The following RBFOX1 variants were observed in gnomAD, a reference collection of about 807,000 sequenced individuals.
RBFOX1 encodes the protein RNA binding protein fox-1 homolog 1.
RBFOX1 carries 8 observed loss-of-function variants against 57.7 expected under a neutral mutation model. The ratio of observed to expected loss-of-function variants is 0.14; its 90% CI spans 0.08 to 0.25. RBFOX1 has a LOEUF of 0.25. RBFOX1 is among the 10% of genes least tolerant of loss of function. The pLI, the probability that RBFOX1 is intolerant of heterozygous loss-of-function variation, is 1.00. For missense variants in RBFOX1, 611 were observed against 548.5 expected (o/e 1.11, Z -1.14); for synonymous variants, 326 against 222.4 (o/e 1.47, Z -4.15).
chr16:6,563,904 A>ATG (rs984715579), intron 2 of RBFOX1, among the ~76,000 whole-genome samples: 43 of 151,208 alleles, frequency 2.8e-4, no homozygotes, highest in African/African-American at 5.6e-4. Context: ...ATGTGCGTAT[A>ATG]TGTGTGTGTG....
chr16:6,475,016 C>T (rs1253031655), intron 2 of RBFOX1, among the ~76,000 whole-genome samples: 1 of 152,144 alleles, frequency 6.6e-6, no homozygotes, highest in Non-Finnish European at 1.5e-5. Flanking sequence ...TTGCAAAGTG[C>T]AAAAGATGAA....
intron 3 of RBFOX1, among the ~76,000 whole-genome samples, chr16:5,707,180 C>A (rs1304819652): frequency 6.6e-6 from 1 of 152,164 alleles, no homozygotes; most frequent in African/African-American, 2.4e-5. Context: ...TTTGTGAGCC[C>A]ATGAGTAGGA....
chr16:6,977,645 C>G (rs1216419719), intron 3 of RBFOX1, among the ~76,000 whole-genome samples: 6 of 152,142 alleles, frequency 3.9e-5, no homozygotes, highest in Non-Finnish European at 8.8e-5. Flanking sequence ...GGCTGGTCAT[C>G]TCTTTAGCTC....
At chr16:5,310,066 G>A (rs1350344284) in intron 1 of RBFOX1, among the ~76,000 whole-genome samples, 1 of 152,180 alleles carries the variant, frequency 6.6e-6, no homozygotes, top group Non-Finnish European at 1.5e-5. Context: ...CAGCTCTAAT[G>A]TTACCTCCTT....
intron 2 of RBFOX1, among the ~76,000 whole-genome samples, chr16:6,642,379 A>G (rs967715922): frequency 6.6e-6 from 1 of 152,152 alleles, no homozygotes; most frequent in Admixed American, 6.5e-5. Context: ...TGTGATGCCA[A>G]TGCATAGCTC....
At chr16:6,791,559 A>G (rs1042895853) in intron 3 of RBFOX1, among the ~76,000 whole-genome samples, 37 of 152,088 alleles carry the variant, frequency 2.4e-4, no homozygotes, top group African/African-American at 8.9e-4. Context: ...AGGAGTTCGA[A>G]ACCAACCTGG....
At chr16:5,724,524 C>G (rs1219912398) in intron 3 of RBFOX1, among the ~76,000 whole-genome samples, 1 of 152,186 alleles carries the variant, frequency 6.6e-6, no homozygotes, top group East Asian at 1.9e-4. Context: ...TACCTACCCA[C>G]TGTGAGAGCT....
At position 6,971,502 on chromosome 16, in the gene RBFOX1, G is replaced by T. The variant is rs142201260; in HGVS notation, c.-15-80555G>T. Among the ~76,000 whole-genome samples, 910 of 124,128 alleles carry T rather than the reference G, an allele frequency of 7.3e-3. 13 individuals are homozygous for T. The highest frequency in any genetic ancestry group is 0.021 in the African/African-American group (862 of 40,636). 81.4% of individuals were successfully genotyped at this position (124,128 alleles called of 152,430 possible). Reference sequence around the variant, plus strand: ...TGCAATATGAAGAGAGAGAGAGAGAGAGAGTTGGTGTGTGTGTGTGTGTGT... The same window carrying T: ...TGCAATATGAAGAGAGAGAGAGAGATAGAGTTGGTGTGTGTGTGTGTGTGT... On this transcript the variant is annotated intron_variant, in intron 3 of 15. Transcript: ENST00000550418.
At chr16:5,467,571 T>A (rs2068993084) in intron 2 of RBFOX1, among the ~76,000 whole-genome samples, 1 of 152,224 alleles carries the variant, frequency 6.6e-6, no homozygotes, top group Non-Finnish European at 1.5e-5. Flanking sequence ...ATTTCATCAT[T>A]GAACTTTGAA....
chr16:6,260,066 A>C (rs748215654), intron 1 of RBFOX1, among the ~76,000 whole-genome samples: 7 of 151,870 alleles, frequency 4.6e-5, no homozygotes, highest in Admixed American at 1.3e-4. Context: ...ATGGCATTTG[A>C]GTTTTCGAAT....
chr16:5,720,740 A>C (rs2151532960), intron 3 of RBFOX1, among the ~76,000 whole-genome samples: 1 of 152,300 alleles, frequency 6.6e-6, no homozygotes, highest in Non-Finnish European at 1.5e-5. Flanking sequence ...CTTATTCGTA[A>C]ATAAAAGGAT....
intron 2 of RBFOX1, among the ~76,000 whole-genome samples, chr16:6,594,572 G>C (rs529608472): frequency 6.6e-6 from 1 of 152,186 alleles, no homozygotes; most frequent in South Asian, 2.1e-4. Context: ...TAATGTAAAA[G>C]CTCCTGTTTT....
chr16:6,598,006 C>T lies in RBFOX1; in HGVS notation c.-63-56597C>T, dbSNP rs77806750. ...AGAAAGTCCAGGGCTGCCTTTTATT[C>T]TGGAATTCTTATTTAAGACAAAATG... On this transcript the variant is annotated intron_variant, in intron 2 of 15. Coordinates refer to ENST00000550418, the MANE Select transcript of RBFOX1 (RefSeq NM_018723.4). Among the ~76,000 whole-genome samples the T allele has an allele frequency of 3.8e-3, 576 of 152,302 alleles. 10 individuals carry two copies. The East Asian group carries it at 0.061, about 16-fold the overall frequency.
chr16:7,673,806 T>C (rs2072386026), intron 13 of RBFOX1, among the ~76,000 whole-genome samples: 1 of 152,244 alleles, frequency 6.6e-6, no homozygotes, highest in Admixed American at 6.5e-5. Flanking sequence ...AGCGTAGAAC[T>C]ATTTTGTGTT....
intron 4 of RBFOX1, among the ~76,000 whole-genome samples, chr16:7,217,121 C>G (rs1361992994): frequency 2.1e-5 from 3 of 145,978 alleles, no homozygotes; most frequent in Non-Finnish European, 3.0e-5. Context: ...CCTTTCCTTT[C>G]TTTTTGACAG....
At chr16:5,701,497 C>G (rs1364121409) in intron 3 of RBFOX1, among the ~76,000 whole-genome samples, 1 of 151,624 alleles carries the variant, frequency 6.6e-6, no homozygotes, top group African/African-American at 2.4e-5. Flanking sequence ...TTCTGGAATG[C>G]AGTAGCACCA....
At chr16:5,913,042 G>T (rs937501490) in intron 4 of RBFOX1, among the ~76,000 whole-genome samples, 1 of 152,180 alleles carries the variant, frequency 6.6e-6, no homozygotes, top group Non-Finnish European at 1.5e-5. Context: ...CTCTAGCATT[G>T]CCAAGCGTGT....
chr16:6,166,154 G>A (rs944287621), intron 1 of RBFOX1, among the ~76,000 whole-genome samples: 2 of 152,152 alleles, frequency 1.3e-5, no homozygotes, highest in African/African-American at 4.8e-5. Flanking sequence ...CAAGTAGAAA[G>A]CATCTTAGTT....
intron 4 of RBFOX1, among the ~76,000 whole-genome samples, chr16:7,410,808 G>A (rs923109812): frequency 6.7e-6 from 1 of 150,122 alleles, no homozygotes; most frequent in Non-Finnish European, 1.5e-5. Flanking sequence ...TTTTCATCAG[G>A]CTTGAGGATC....
Sources: allele counts gnomAD v4.1 joint callset (sites outside exome capture counted in the v4.1 genomes callset), GRCh38; gene constraint gnomAD v4.1.1; transcripts MANE v1.5; gene names NCBI Gene and HGNC (gene_info 2026-07-23, HGNC 2026-07-21).